The following ABI3BP variants were observed in gnomAD, a reference collection of about 807,000 sequenced individuals.
ABI3BP encodes the protein ABI family member 3 binding protein.
In ABI3BP, 216 loss-of-function variants were observed where a neutral mutation model predicts 268.6. The ratio of observed to expected loss-of-function variants is 0.80; its 90% CI spans 0.72 to 0.90. The LOEUF (loss-of-function observed/expected upper bound fraction) is 0.90. Ranked by LOEUF, ABI3BP falls within the 40% of genes least tolerant of loss-of-function variation. ABI3BP has a pLI of 0.00. For missense variants in ABI3BP, 2,090 were observed against 2,182.4 expected (o/e 0.96, Z 0.84); for synonymous variants, 730 against 730.0 (o/e 1.00, Z 0.00).
chr3:100,945,665 T>A (rs1325645146), intron 1 of ABI3BP: 1 of 443,656 alleles, frequency 2.3e-6, no homozygotes, highest in Non-Finnish European at 4.5e-6. Context: ...ACTAGTTCAG[T>A]CCTTTTATTT....
intron 1 of ABI3BP, among the ~76,000 whole-genome samples, chr3:100,933,696 T>C (rs886433020): frequency 1.3e-4 from 20 of 149,420 alleles, no homozygotes; most frequent in African/African-American, 4.4e-4. Flanking sequence ...TTCTATTCAA[T>C]AAAAAGAAAG....
chr3:100,944,186 T>C (rs1031973283), intron 1 of ABI3BP, among the ~76,000 whole-genome samples: 3 of 152,200 alleles, frequency 2.0e-5, no homozygotes, highest in African/African-American at 7.2e-5. Context: ...AAGAATGATT[T>C]TCATGAAGAT....
chr3:100,753,042 T>C (rs2095421855), intron 65 of ABI3BP, 94 bp from the exon 66 acceptor site: 17 of 1,098,034 alleles, frequency 1.5e-5, no homozygotes, highest in Non-Finnish European at 2.1e-5. Flanking sequence ...TGCTGATACC[T>C]TTTTTTCCCC....
At chr3:100,926,503 T>G in intron 1 of ABI3BP, 22 bp from the exon 2 acceptor site, 1 of 1,603,630 alleles carries the variant, frequency 6.2e-7, no homozygotes, top group Non-Finnish European at 8.5e-7. Context: ...AATGAAAACA[T>G]CGATGGCTGT....
At chr3:100,780,796 T>C (rs1210550060) in intron 57 of ABI3BP, among the ~76,000 whole-genome samples, 8 of 152,158 alleles carry the variant, frequency 5.3e-5, no homozygotes, top group African/African-American at 1.9e-4. Flanking sequence ...AGAAACTGAT[T>C]TGAAAATTAC....
At chr3:100,809,978 A>AC (rs2097813647) in intron 49 of ABI3BP, among the ~76,000 whole-genome samples, 1 of 151,974 alleles carries the variant, frequency 6.6e-6, no homozygotes, top group African/African-American at 2.4e-5. Flanking sequence ...TGGCCAGTAC[A>AC]CCCCCTTTCA....
At chr3:100,947,999 C>G (rs1183797139) in intron 1 of ABI3BP, among the ~76,000 whole-genome samples, 1 of 151,954 alleles carries the variant, frequency 6.6e-6, no homozygotes, top group Non-Finnish European at 1.5e-5. Flanking sequence ...AGAGGGAGGG[C>G]AGGAACAGCA....
At position 100,987,477 on chromosome 3, in the gene ABI3BP, C is replaced by T. The variant is rs571839934; in HGVS notation, c.79+5829G>A. ...ACTAAACTAGTGAATGTATAATTAA[C>T]ACAAGAAAACTTTATTTTTTTAAAC... On this transcript the variant is annotated intron_variant, in intron 1 of 67. Coordinates refer to ENST00000471714, the MANE Select transcript of ABI3BP (RefSeq NM_001375547.2). 6.6e-5 allele frequency among the ~76,000 whole-genome samples: 10 copies of T among 152,236 alleles called. 1 individual carries two copies. In the East Asian group the frequency reaches 9.6e-4, roughly 15 times the overall value.
At chr3:100,901,523 G>GGGT (rs1458474670) in intron 3 of ABI3BP, among the ~76,000 whole-genome samples, 1 of 152,142 alleles carries the variant, frequency 6.6e-6, no homozygotes, top group Non-Finnish European at 1.5e-5. Context: ...CAGCACTTTG[G>GGGT]GAGAGCGAGG....
At chr3:100,955,597 A>G (rs2076549359) in intron 1 of ABI3BP, among the ~76,000 whole-genome samples, 1 of 152,132 alleles carries the variant, frequency 6.6e-6, no homozygotes. Context: ...GATGTCTTCT[A>G]ATTAGAATTC....
rs550865437 is a variant in ABI3BP at position 100,778,982 on chromosome 3, T to A, written c.4241-606A>T. On this transcript the variant is annotated intron_variant, in intron 58 of 67. Coordinates refer to ENST00000471714, the MANE Select transcript of ABI3BP (RefSeq NM_001375547.2). ...ACGCATAGAATTTAACATCTTTCAT[T>A]TTCCATGTAGACTTAACAGAAGCAC... Among the ~76,000 whole-genome samples, 94 of 152,174 alleles carry A rather than the reference T, an allele frequency of 6.2e-4. 1 individual carries two copies. The highest frequency in any genetic ancestry group is 1.2e-3 in the Non-Finnish European group (81 of 68,026).
In ABI3BP at chr3:100,750,491, G is replaced by A; in HGVS notation, c.*4C>T. 1.2e-6 allele frequency: 2 copies of A among 1,601,580 alleles called. No individual in the cohort carries two copies. The highest frequency in any genetic ancestry group is 1.7e-6 in the Non-Finnish European group (2 of 1,169,824). On this transcript the variant is annotated 3_prime_UTR_variant, in exon 68 of 68. Transcript: ENST00000471714. ...ATGAAACAGAAGGTAACTTTGTGCA[G>A]CATCTACCATTTTCCAGGAATTGTA...
At chr3:100,841,220 T>TTTTTTTTTTTTTTTTTTTTTTTTTTTTG (rs1560681726) in intron 21 of ABI3BP, among the ~76,000 whole-genome samples, 6 of 119,548 alleles carry the variant, frequency 5.0e-5, no homozygotes, top group South Asian at 2.8e-4. Flanking sequence ...TTTTTTTTTT[T>TTTTTTTTTTTTTTTTTTTTTTTTTTTTG]TTTTTTTGCT....
intron 2 of ABI3BP, among the ~76,000 whole-genome samples, chr3:100,917,852 AG>A (rs761924856): frequency 7.2e-5 from 11 of 152,188 alleles, no homozygotes; most frequent in Non-Finnish European, 1.3e-4. Flanking sequence ...AGGACTTTGA[AG>A]GGATGTTTTC....
At chr3:100,837,443 C>G in intron 26 of ABI3BP, 1 of 325,346 alleles carries the variant, frequency 3.1e-6, no homozygotes, top group South Asian at 6.7e-5. Context: ...TAGAAAATTA[C>G]TCAGTTAACA....
intron 6 of ABI3BP, among the ~76,000 whole-genome samples, chr3:100,883,551 T>A (rs1213561131): frequency 6.6e-6 from 1 of 152,094 alleles, no homozygotes; most frequent in Admixed American, 6.6e-5. Flanking sequence ...TACTGCTTTA[T>A]CAGCAATCAG....
intron 9 of ABI3BP, among the ~76,000 whole-genome samples, chr3:100,871,886 T>C (rs1224689360): frequency 6.6e-6 from 1 of 152,210 alleles, no homozygotes; most frequent in Non-Finnish European, 1.5e-5. Context: ...GCCCAGGCTG[T>C]AGTACAGTGG....
intron 1 of ABI3BP, among the ~76,000 whole-genome samples, chr3:100,964,234 A>G (rs1473079587): frequency 6.6e-6 from 1 of 152,142 alleles, no homozygotes; most frequent in Non-Finnish European, 1.5e-5. Flanking sequence ...CTTGTATGGT[A>G]AAGAGCAGAC....
In ABI3BP at chr3:100,787,769, G is replaced by T. The variant is rs1203383978; in HGVS notation, c.4121C>A (p.Pro1374His). ...LNRTTTRPTR[P>H]KPSGMPSGNG... ...CCCACTGGGCATCCCACTGGGTTTGGGCCTAGTAGGTCTTGTAGTTGTCCT... is the reference window on the plus strand; with the variant it reads ...CCCACTGGGCATCCCACTGGGTTTGTGCCTAGTAGGTCTTGTAGTTGTCCT... Residue 1374 changes from proline (P) to histidine (H), a missense_variant, in exon 57 of 68, where the codon CCC becomes CAC. Pro to His is a moderately conservative substitution (Grantham distance 77). Coordinates refer to ENST00000471714, the MANE Select transcript of ABI3BP (RefSeq NM_001375547.2). 1 of 1,532,232 alleles carries T rather than the reference G, an allele frequency of 6.5e-7. No homozygotes were observed. The highest frequency in any genetic ancestry group is 1.7e-4 in the Middle Eastern group (1 of 5,956). The allele number at this position is 1,532,232 out of a possible 1,614,324, so 94.9% of individuals were successfully genotyped here. A position where few individuals can be genotyped will look rare whatever the true frequency, so the allele number is the denominator to read the frequency against.
Sources: gnomAD v4.1 joint callset for allele counts (sites outside exome capture counted in the v4.1 genomes callset) on GRCh38, gnomAD v4.1.1 for gene constraint, MANE v1.5 for transcripts, NCBI Gene and HGNC (gene_info 2026-07-23, HGNC 2026-07-21) for gene names.